Variants in RBM20 observed in about 807,000 individuals in gnomAD.
RBM20 encodes RNA-binding protein 20.
Under a neutral mutation model 110.1 loss-of-function variants are expected in RBM20, and 51 were observed. The ratio of observed to expected loss-of-function variants is 0.46; its 90% CI spans 0.37 to 0.59. The LOEUF (loss-of-function observed/expected upper bound fraction) is 0.59. RBM20 is among the 20% of genes least tolerant of loss of function. The pLI, the probability that RBM20 is intolerant of heterozygous loss-of-function variation, is 0.00. For missense variants in RBM20, 1,512 were observed against 1,574.9 expected, an observed-to-expected ratio of 0.96 and a Z score of 0.68; for synonymous variants, 589 against 618.2, an observed-to-expected ratio of 0.95 and a Z score of 0.70.
intron 1 of RBM20, among the ~76,000 whole-genome samples, chr10:110,768,618 C>T (rs1844142548): frequency 6.6e-6 from 1 of 152,292 alleles, no homozygotes; most frequent in South Asian, 2.1e-4. Context: ...ATGCTTAAGA[C>T]AGTCATAATT....
intron 12 of RBM20, among the ~76,000 whole-genome samples, chr10:110,824,456 G>A (rs1317285908): frequency 6.6e-6 from 1 of 152,124 alleles, no homozygotes; most frequent in African/African-American, 2.4e-5. Flanking sequence ...AGGGAGACCT[G>A]GGTTTCTGTT....
chr10:110,700,689 AC>A (rs1862744226), intron 1 of RBM20, among the ~76,000 whole-genome samples: 2 of 152,132 alleles, frequency 1.3e-5, no homozygotes, highest in South Asian at 4.1e-4. Context: ...CATGCCAGCA[AC>A]CAAAGCAGGA....
intron 1 of RBM20, among the ~76,000 whole-genome samples, chr10:110,740,487 G>T (rs1378831168): frequency 1.3e-5 from 2 of 152,116 alleles, no homozygotes; most frequent in East Asian, 3.9e-4. Context: ...AGAGGGAGGG[G>T]CAGGAGAGCT....
At chr10:110,759,260 CTT>C (rs1044330790) in intron 1 of RBM20, among the ~76,000 whole-genome samples, 17 of 152,154 alleles carry the variant, frequency 1.1e-4, no homozygotes, top group African/African-American at 4.1e-4. Flanking sequence ...CAAGGTGTCT[CTT>C]TGTATTCCAC....
intron 1 of RBM20, among the ~76,000 whole-genome samples, chr10:110,733,395 A>G (rs1402976372): frequency 6.6e-6 from 1 of 152,212 alleles, no homozygotes; most frequent in Admixed American, 6.5e-5. Flanking sequence ...AGCCGGGTGT[A>G]TGGCTGGGAG....
chr10:110,725,583 A>G lies in RBM20; in HGVS notation c.192-55218A>G, dbSNP rs184474640. ...CAAAAGCAAGACAATCTGATTGGCC[A>G]GATTTGTCTTCTGTTTTGTGTACAT... is the stretch of plus-strand genomic sequence containing the variant. On this transcript the variant is annotated intron_variant, in intron 1 of 13. Transcript: ENST00000369519. Among the ~76,000 whole-genome samples the G allele has an allele frequency of 7.9e-5, 12 of 152,352 alleles. No homozygotes were observed. The East Asian group carries it at 2.3e-3, about 29-fold the overall frequency.
At position 110,831,051 on chromosome 10, in the gene RBM20, C is replaced by T. The variant is rs60618533; in HGVS notation, c.3452-10C>T. ...CTAACCCTGCGTGTCTATCCCCCAT[C>T]CTTTCCCAGGGGTGGAGTTCGTGGT... On this transcript the variant is annotated splice_polypyrimidine_tract_variant and intron_variant, in intron 12 of 13. Coordinates refer to ENST00000369519, the MANE Select transcript of RBM20 (RefSeq NM_001134363.3). 957 of 1,548,620 alleles carry T rather than the reference C, an allele frequency of 6.2e-4. 4 individuals carry two copies. The African/African-American group carries it at 0.012, about 19-fold the overall frequency.
rs1845139689 is a variant in RBM20, at chr10:110,836,985, C to T, written c.*1007C>T. On this transcript the variant is annotated 3_prime_UTR_variant, in exon 14 of 14. Coordinates refer to ENST00000369519, the MANE Select transcript of RBM20 (RefSeq NM_001134363.3). ...GGGGGTTAAATGAGCTTATTTAAGT[C>T]AAGGAAACATCATCTGTCCTTGATT... The T allele has an allele frequency of 6.6e-6, 1 of 152,198 alleles. No individual in the cohort carries two copies. Among genetic ancestry groups the T allele is most frequent in the Non-Finnish European group, 1.5e-5 (1 of 68,048 alleles). The allele number at this position is 152,198 out of a possible 1,614,324, so 9.4% of individuals were successfully genotyped here.
Position 110,703,363 on chromosome 10 carries a change from G to A in RBM20, c.191+58718G>A, listed in dbSNP as rs1468961190. Among the ~76,000 whole-genome samples, 5 of 150,560 alleles carry A rather than the reference G, an allele frequency of 3.3e-5. No homozygotes were observed. In the East Asian group the frequency reaches 7.8e-4, roughly 23 times the overall value. Reference sequence around the variant, plus strand: ...ATTGCACTCTAGCCTGGACAACAACGGTGAAACTCTGTCTCAAAAAAAAAA... The same window carrying A: ...ATTGCACTCTAGCCTGGACAACAACAGTGAAACTCTGTCTCAAAAAAAAAA... On this transcript the variant is annotated intron_variant, in intron 1 of 13. Transcript: ENST00000369519.
chr10:110,646,749 C>G (rs905970311), intron 1 of RBM20, among the ~76,000 whole-genome samples: 1 of 152,188 alleles, frequency 6.6e-6, no homozygotes, highest in African/African-American at 2.4e-5. Flanking sequence ...TTGCATAAGT[C>G]CATCTGAGCA....
At chr10:110,676,570 T>C (rs563423075) in intron 1 of RBM20, among the ~76,000 whole-genome samples, 3 of 152,360 alleles carry the variant, frequency 2.0e-5, no homozygotes, top group Non-Finnish European at 4.4e-5. Context: ...AAACTGTTCA[T>C]ATGGTAGTTT....
At chr10:110,764,568 T>G (rs1844054033) in intron 1 of RBM20, among the ~76,000 whole-genome samples, 1 of 152,250 alleles carries the variant, frequency 6.6e-6, no homozygotes, top group Non-Finnish European at 1.5e-5. Context: ...TGACTGCCCT[T>G]CCAGGCGGGT....
intron 1 of RBM20, among the ~76,000 whole-genome samples, chr10:110,657,766 A>G (rs1862045926): frequency 6.6e-6 from 1 of 152,208 alleles, no homozygotes; most frequent in South Asian, 2.1e-4. Context: ...GCTATTACAA[A>G]TGAAGCTCGT....
chr10:110,722,123 T>C (rs1416312715), intron 1 of RBM20, among the ~76,000 whole-genome samples: 2 of 152,182 alleles, frequency 1.3e-5, no homozygotes, highest in Non-Finnish European at 2.9e-5. Flanking sequence ...CACTGTTTCC[T>C]CTATGGAAAC....
At chr10:110,828,090 C>T (rs1006633992) in intron 12 of RBM20, among the ~76,000 whole-genome samples, 5 of 152,290 alleles carry the variant, frequency 3.3e-5, no homozygotes, top group Non-Finnish European at 5.9e-5. Flanking sequence ...CAAACAGCAT[C>T]GCCTGCAAAG....
At chr10:110,819,140 C>T (rs922019585) in intron 9 of RBM20, among the ~76,000 whole-genome samples, 2 of 152,142 alleles carry the variant, frequency 1.3e-5, no homozygotes, top group African/African-American at 2.4e-5. Flanking sequence ...GCAGCTTGGC[C>T]CTCAGAAAGC....
At chr10:110,813,853 A>T (rs1844806897) in intron 9 of RBM20, among the ~76,000 whole-genome samples, 1 of 151,286 alleles carries the variant, frequency 6.6e-6, no homozygotes. Flanking sequence ...AAAAAAAAAA[A>T]AAAAATGCAT....
At position 110,732,892 on chromosome 10, in the gene RBM20, G is replaced by A. The variant is rs528859646; in HGVS notation, c.192-47909G>A. Among the ~76,000 whole-genome samples, 9 of 152,226 alleles carry A rather than the reference G, an allele frequency of 5.9e-5. 1 individual carries two copies. The South Asian group carries it at 1.9e-3, about 32-fold the overall frequency. On this transcript the variant is annotated intron_variant, in intron 1 of 13. Coordinates refer to ENST00000369519, the MANE Select transcript of RBM20 (RefSeq NM_001134363.3). ...CAGGAAACCCTAGGAAACCTTCCCA[G>A]GCTGCAGAACCTGGAAACAAGAATG... is the stretch of plus-strand genomic sequence containing the variant.
intron 6 of RBM20, among the ~76,000 whole-genome samples, chr10:110,799,166 C>T (rs1844589840): frequency 6.6e-6 from 1 of 152,144 alleles, no homozygotes; most frequent in South Asian, 2.1e-4. Context: ...AAGCTTGTGT[C>T]TCTTGCTGTC....
Sources: allele counts gnomAD v4.1 joint callset (sites outside exome capture counted in the v4.1 genomes callset), GRCh38; gene constraint gnomAD v4.1.1; transcripts MANE v1.5; gene names NCBI Gene and HGNC (gene_info 2026-07-23, HGNC 2026-07-21).